Variants in EPHA6 observed in about 807,000 individuals in gnomAD.
EPHA6 encodes EPH receptor A6.
A neutral mutation model predicts 112.0 loss-of-function variants in EPHA6; 50 were observed. The observed-to-expected ratio is 0.45, with a 90% confidence interval of 0.36 to 0.56. The LOEUF (loss-of-function observed/expected upper bound fraction) is 0.56, where lower values mean the gene tolerates loss of function less well. Among genes scored for constraint, EPHA6 ranks in the 20% least tolerant of loss-of-function variants. The probability of loss-of-function intolerance (pLI) is 0.00; values close to 1 mark genes in which losing one functional copy is unlikely to be tolerated. For missense variants in EPHA6, 1,280 were observed against 1,417.4 expected (o/e 0.90, Z 1.56); for synonymous variants, 529 against 490.7 (o/e 1.08, Z -1.03).
chr3:96,837,544 A>T (rs2034489309), intron 1 of EPHA6, among the ~76,000 whole-genome samples: 1 of 152,136 alleles, frequency 6.6e-6, no homozygotes, highest in African/African-American at 2.4e-5. Flanking sequence ...GCCAGGACAG[A>T]TTGGAGACAG....
intron 2 of EPHA6, among the ~76,000 whole-genome samples, chr3:96,903,469 T>C (rs1347998585): frequency 6.6e-6 from 1 of 152,176 alleles, no homozygotes; most frequent in Non-Finnish European, 1.5e-5. Context: ...GGGTAGTTGA[T>C]GTTAATTTAA....
intron 5 of EPHA6, among the ~76,000 whole-genome samples, chr3:97,348,498 A>T (rs1321322572): frequency 6.6e-6 from 1 of 150,836 alleles, no homozygotes; most frequent in Non-Finnish European, 1.5e-5. Flanking sequence ...TTTTTTTATT[A>T]GGTAGTAACT....
At chr3:96,826,200 T>G (rs376551236) in intron 1 of EPHA6, among the ~76,000 whole-genome samples, 1 of 152,210 alleles carries the variant, frequency 6.6e-6, no homozygotes, top group Non-Finnish European at 1.5e-5. Context: ...ATGTGTTTTC[T>G]CTGATAGTAG....
intron 5 of EPHA6, among the ~76,000 whole-genome samples, chr3:97,389,346 G>T (rs1055473254): frequency 3.9e-5 from 6 of 152,048 alleles, no homozygotes; most frequent in African/African-American, 1.2e-4. Context: ...GATGTGTGCT[G>T]GTCAGCATTG....
At chr3:97,111,244 T>G (rs72920299) in intron 3 of EPHA6, among the ~76,000 whole-genome samples, 1,981 of 152,292 alleles carry the variant, frequency 0.013, 46 homozygotes, top group African/African-American at 0.044. Context: ...AATTTGGCTT[T>G]TATTCATGAA....
At chr3:96,988,229 C>G (rs1016005365) in intron 3 of EPHA6, among the ~76,000 whole-genome samples, 1 of 151,978 alleles carries the variant, frequency 6.6e-6, no homozygotes, top group Non-Finnish European at 1.5e-5. Context: ...TCAAATAATA[C>G]ATTTTTGAGT....
At chr3:97,316,310 T>C (rs1419566236) in intron 5 of EPHA6, among the ~76,000 whole-genome samples, 1 of 151,848 alleles carries the variant, frequency 6.6e-6, no homozygotes, top group Non-Finnish European at 1.5e-5. Context: ...GCAACTTTTA[T>C]TTTAGACAAT....
chr3:96,860,071 G>A (rs533936874), intron 1 of EPHA6, among the ~76,000 whole-genome samples: 34 of 152,168 alleles, frequency 2.2e-4, no homozygotes, highest in Admixed American at 7.2e-4. Context: ...ATCCTATAGC[G>A]TCCAATATAT....
intron 3 of EPHA6, among the ~76,000 whole-genome samples, chr3:97,035,800 G>A (rs1251629486): frequency 6.6e-6 from 1 of 151,904 alleles, no homozygotes; most frequent in African/African-American, 2.4e-5. Context: ...TAAAATATAT[G>A]ATAGTGCTTT....
chr3:97,259,957 C>T (rs2079444136), intron 5 of EPHA6, among the ~76,000 whole-genome samples: 2 of 151,868 alleles, frequency 1.3e-5, no homozygotes, highest in African/African-American at 2.4e-5. Flanking sequence ...CGTGCCACCA[C>T]ACCTGGCTAA....
At chr3:97,208,259 C>T (rs914289524) in intron 3 of EPHA6, among the ~76,000 whole-genome samples, 1 of 152,072 alleles carries the variant, frequency 6.6e-6, no homozygotes, top group African/African-American at 2.4e-5. Context: ...TCAATATTTA[C>T]AGAGCATTCC....
At chr3:97,199,852 A>G (rs1241006757) in intron 3 of EPHA6, among the ~76,000 whole-genome samples, 1 of 152,166 alleles carries the variant, frequency 6.6e-6, no homozygotes, top group Non-Finnish European at 1.5e-5. Context: ...TTGGTTATTC[A>G]CTGGCTATTG....
At chr3:96,821,814 C>T (rs1213807715) in intron 1 of EPHA6, among the ~76,000 whole-genome samples, 1 of 151,772 alleles carries the variant, frequency 6.6e-6, no homozygotes, top group Non-Finnish European at 1.5e-5. Flanking sequence ...TAATAAGTCA[C>T]TCAGCAACCA....
rs974387230 is a variant in EPHA6, at chr3:97,557,407, A to G, written c.2386+24864A>G. On this transcript the variant is annotated intron_variant, in intron 11 of 17. Transcript: ENST00000389672. ...GCCATTTTCATCTCTTTTTCTGACA[A>G]TTGCCTGCTTGTGTCCCTAGCTCTT... Among the ~76,000 whole-genome samples, 4 of 151,848 alleles carry G rather than the reference A, an allele frequency of 2.6e-5. No individual in the cohort carries two copies. In the East Asian group the frequency reaches 7.7e-4, roughly 29 times the overall value.
chr3:97,665,749 T>G (rs1428513490), intron 14 of EPHA6, among the ~76,000 whole-genome samples: 2 of 152,324 alleles, frequency 1.3e-5, no homozygotes, highest in East Asian at 3.9e-4. Context: ...CTGGGTCACA[T>G]GGTCCACCAT....
rs2035822242 is a variant in EPHA6, at chr3:97,748,877, C to T, written c.*176C>T. On this transcript the variant is annotated 3_prime_UTR_variant, in exon 18 of 18. Coordinates refer to ENST00000389672, the MANE Select transcript of EPHA6 (RefSeq NM_001080448.3). ...CAACCAGGATTTTAAAATCATGCTA[C>T]ATAAATCCGTTCTGAATAACCTGCA... The T allele has an allele frequency of 1.7e-6, 1 of 582,240 alleles. No homozygotes were observed. Among genetic ancestry groups the T allele is most frequent in the Non-Finnish European group, 3.1e-6 (1 of 322,808 alleles). 36.1% of individuals were successfully genotyped at this position (582,240 alleles called of 1,614,324 possible). A position where few individuals can be genotyped will look rare whatever the true frequency, so the allele number is the denominator to read the frequency against.
intron 1 of EPHA6, among the ~76,000 whole-genome samples, chr3:96,860,214 C>T (rs1381540245): frequency 6.6e-6 from 1 of 151,924 alleles, no homozygotes; most frequent in African/African-American, 2.4e-5. Context: ...TCATTATGTC[C>T]ATGTAAATGT....
chr3:96,899,252 C>G (rs1004837076), intron 2 of EPHA6, among the ~76,000 whole-genome samples: 2 of 152,178 alleles, frequency 1.3e-5, no homozygotes, highest in Admixed American at 1.3e-4. Flanking sequence ...TCCATCTTTA[C>G]ATGTCCATCT....
At position 97,170,718 on chromosome 3, in the gene EPHA6, C is replaced by G. The variant is rs539470815; in HGVS notation, c.1115-55546C>G. On this transcript the variant is annotated intron_variant, in intron 3 of 17. Coordinates refer to ENST00000389672, the MANE Select transcript of EPHA6 (RefSeq NM_001080448.3). ...TACCGCTGCCCTTCCACCTGGGCGA[C>G]AGAGCGAGCCGATGTCTCAAAAAAG... Among the ~76,000 whole-genome samples, 541 of 151,254 alleles carry G rather than the reference C, an allele frequency of 3.6e-3. 5 individuals are homozygous for G. Among genetic ancestry groups the G allele is most frequent in the Non-Finnish European group, 4.6e-3 (309 of 67,912 alleles).
Sources: allele counts gnomAD v4.1 joint callset (sites outside exome capture counted in the v4.1 genomes callset), GRCh38; gene constraint gnomAD v4.1.1; transcripts MANE v1.5; gene names NCBI Gene and HGNC (gene_info 2026-07-23, HGNC 2026-07-21).